TXK: variants seen among roughly 807,000 people sequenced by gnomAD.
The protein encoded by TXK is TXK tyrosine kinase.
TXK carries 60 observed loss-of-function variants against 81.0 expected under a neutral mutation model. That is an observed-to-expected ratio of 0.74 (90% CI 0.60 to 0.92). TXK has a LOEUF of 0.92. Ranked by LOEUF, TXK falls within the 40% of genes least tolerant of loss-of-function variation. TXK has a pLI of 0.00. For synonymous variants in TXK, 203 were observed against 210.7 expected (o/e 0.96, Z 0.32); for missense variants, 581 against 638.3 (o/e 0.91, Z 0.97).
Position 48,071,681 on chromosome 4 carries a change from A to C in TXK, c.1358-7T>G. ...ACTTCCCACATTAAAACTCCTGCAA[A>C]CAAAAATGCAGGAAAACAAGGGGTT... On this transcript the variant is annotated splice_region_variant and splice_polypyrimidine_tract_variant and intron_variant, in intron 13 of 14. Coordinates refer to ENST00000264316, the MANE Select transcript of TXK (RefSeq NM_003328.3). 1 of 1,613,272 alleles carries C rather than the reference A, an allele frequency of 6.2e-7. No homozygotes were observed.
At chr4:48,106,591 T>C (rs1439939604) in intron 5 of TXK, among the ~76,000 whole-genome samples, 1 of 152,150 alleles carries the variant, frequency 6.6e-6, no homozygotes, top group Non-Finnish European at 1.5e-5. Context: ...TCTGGTCTCA[T>C]GTCCCAATCT....
intron 8 of TXK, among the ~76,000 whole-genome samples, chr4:48,090,036 T>G (rs1471508382): frequency 1.3e-5 from 2 of 152,182 alleles, no homozygotes; most frequent in Admixed American, 6.5e-5. Flanking sequence ...AGTATAAAGA[T>G]GACCCTAAAA....
chr4:48,087,116 A>G (rs1717565007), intron 9 of TXK, among the ~76,000 whole-genome samples: 1 of 152,222 alleles, frequency 6.6e-6, no homozygotes, highest in Non-Finnish European at 1.5e-5. Flanking sequence ...GAAAAGTCCA[A>G]TGAAATCATC....
At chr4:48,124,523 C>A (rs1189435768) in intron 1 of TXK, among the ~76,000 whole-genome samples, 2 of 151,214 alleles carry the variant, frequency 1.3e-5, no homozygotes, top group Non-Finnish European at 2.9e-5. Flanking sequence ...TAAATAAGAC[C>A]CCACCAATAT....
At chr4:48,090,768 T>C (rs908612373) in intron 8 of TXK, among the ~76,000 whole-genome samples, 6 of 152,198 alleles carry the variant, frequency 3.9e-5, no homozygotes, top group Admixed American at 6.5e-5. Context: ...AAAAAGTAGA[T>C]AATGATGATT....
Position 48,071,956 on chromosome 4 carries a change from CT to C in TXK, c.1358-283del, listed in dbSNP as rs33963487. ...GAAAATGCCAGTAGCATTTTCTTTTCTTTTTTTTTTTTTTTGAGACAGGGTC... is the reference window on the plus strand; with the variant it reads ...GAAAATGCCAGTAGCATTTTCTTTTCTTTTTTTTTTTTTTGAGACAGGGTC... On this transcript the variant is annotated intron_variant, in intron 13 of 14. Coordinates refer to ENST00000264316, the MANE Select transcript of TXK (RefSeq NM_003328.3). Among the ~76,000 whole-genome samples the C allele has an allele frequency of 5.6e-3, 770 of 137,672 alleles. 16 individuals are homozygous for C. Among genetic ancestry groups the C allele is most frequent in the African/African-American group, 0.019 (703 of 37,146 alleles). 90.3% of individuals were successfully genotyped at this position (137,672 alleles called of 152,430 possible). A position where few individuals can be genotyped will look rare whatever the true frequency, so the allele number is the denominator to read the frequency against.
Position 48,104,897 on chromosome 4 carries a change from T to C in TXK, c.501+4A>G. ...TGAAAATGTCCACAAATACATTGAATTACCTCTTGTCTCAATAGATGTTCT... is the reference window on the plus strand; with the variant it reads ...TGAAAATGTCCACAAATACATTGAACTACCTCTTGTCTCAATAGATGTTCT... On this transcript the variant is annotated splice_donor_region_variant and intron_variant, in intron 6 of 14. Transcript: ENST00000264316. 1 of 1,589,372 alleles carries C rather than the reference T, an allele frequency of 6.3e-7. No homozygotes were observed. Among genetic ancestry groups the C allele is most frequent in the Non-Finnish European group, 8.6e-7 (1 of 1,168,514 alleles).
At chr4:48,124,237 T>C (rs1719027372) in intron 1 of TXK, among the ~76,000 whole-genome samples, 1 of 152,082 alleles carries the variant, frequency 6.6e-6, no homozygotes, top group Admixed American at 6.6e-5. Context: ...CTGGCCTTTA[T>C]GCACTAGATG....
rs760636092 is a variant in TXK at position 48,086,538 on chromosome 4, T to A, written c.884A>T (p.Gln295Leu). The A allele has an allele frequency of 5.6e-6, 9 of 1,614,040 alleles. No individual in the cohort carries two copies. The highest frequency in any genetic ancestry group is 7.6e-6 in the Non-Finnish European group (9 of 1,180,004). ...TTCATTGATGGCCTTGATAGCTACC[T>A]GGATATGTGACCGCCATTCACCTAA... Reference protein sequence around the residue: ...VHLGEWRSHIQVAIKAINEGS... With the variant: ...VHLGEWRSHILVAIKAINEGS... Residue 295 changes from glutamine to leucine, a missense_variant, in exon 10 of 15, where the codon CAG becomes CTG. Gln to Leu is a moderately radical substitution (Grantham distance 113, BLOSUM62 -2). Transcript: ENST00000264316.
intron 11 of TXK, 42 bp from the exon 12 acceptor site, chr4:48,076,508 T>C: frequency 1.3e-6 from 2 of 1,558,722 alleles, no homozygotes; most frequent in Non-Finnish European, 1.8e-6. Flanking sequence ...ATACAAGCTT[T>C]TATTTCAAGA....
At chr4:48,087,774 C>T (rs901190882) in intron 9 of TXK, among the ~76,000 whole-genome samples, 1 of 152,212 alleles carries the variant, frequency 6.6e-6, no homozygotes, top group African/African-American at 2.4e-5. Flanking sequence ...AGGATATATT[C>T]ATGGCCTTGG....
chr4:48,125,807 C>T (rs1410543103), intron 1 of TXK, among the ~76,000 whole-genome samples: 3 of 152,124 alleles, frequency 2.0e-5, no homozygotes, highest in East Asian at 1.9e-4. Flanking sequence ...CAGGGCAGGC[C>T]GGCAAGCTGA....
chr4:48,133,237 T>TA (rs1174486472), intron 1 of TXK, among the ~76,000 whole-genome samples: 18 of 151,788 alleles, frequency 1.2e-4, no homozygotes, highest in Admixed American at 9.8e-4. Context: ...TTTTTTTTTT[T>TA]ATTCTAATTT....
In TXK at chr4:48,067,721, G is replaced by C. The variant is rs767677274; in HGVS notation, c.1516-16C>G. ...CTTCAGGTTTCTGGAAAAGGGAAGT[G>C]GGGGTGGTTAGCTCAGCTTAACCAA... On this transcript the variant is annotated splice_polypyrimidine_tract_variant and intron_variant, in intron 14 of 14. Transcript: ENST00000264316. The C allele has an allele frequency of 6.2e-7, 1 of 1,612,924 alleles. No homozygotes were observed. Among genetic ancestry groups the C allele is most frequent in the South Asian group, 1.1e-5 (1 of 91,038 alleles).
rs770015426 is a variant in TXK at position 48,112,442 on chromosome 4, T to C, written c.245A>G (p.Glu82Gly). The C allele has an allele frequency of 6.2e-7, 1 of 1,614,178 alleles. No individual in the cohort carries two copies. Among genetic ancestry groups the C allele is most frequent in the Admixed American group, 1.7e-5 (1 of 60,020 alleles). ...AAGTGCCTTGACTTGGATCTTCTCTTCAGCAACCTCAGAGGGTGGGAGGGG... is the reference window on the plus strand; with the variant it reads ...AAGTGCCTTGACTTGGATCTTCTCTCCAGCAACCTCAGAGGGTGGGAGGGG... ...LPPLPPSEVA[E>G]EKIQVKALYD... Residue 82 changes from glutamate to glycine, a missense_variant, in exon 4 of 15, where the codon GAA becomes GGA. Glu to Gly is a moderately conservative substitution (Grantham distance 98). Transcript: ENST00000264316.
chr4:48,077,313 A>G (rs1254165787), intron 11 of TXK, among the ~76,000 whole-genome samples: 2 of 152,236 alleles, frequency 1.3e-5, no homozygotes, highest in Admixed American at 1.3e-4. Context: ...TTTTCAGCTA[A>G]TTTGTGGTTC....
intron 5 of TXK, among the ~76,000 whole-genome samples, chr4:48,106,861 A>C (rs1397287851): frequency 6.6e-6 from 1 of 152,236 alleles, no homozygotes; most frequent in East Asian, 1.9e-4. Flanking sequence ...TTTAAAAGGC[A>C]TAATTAATTT....
At chr4:48,070,971 T>C (rs1344874629) in intron 14 of TXK, among the ~76,000 whole-genome samples, 1 of 141,978 alleles carries the variant, frequency 7.0e-6, no homozygotes, top group Non-Finnish European at 1.5e-5. Context: ...CCATCTCGGC[T>C]CACTGCAAGC....
intron 1 of TXK, among the ~76,000 whole-genome samples, chr4:48,127,346 T>G (rs992880281): frequency 1.3e-5 from 2 of 152,222 alleles, no homozygotes; most frequent in Admixed American, 1.3e-4. Flanking sequence ...TTCATGATCA[T>G]TTTCAATTTA....
Sources: allele counts gnomAD v4.1 joint callset (sites outside exome capture counted in the v4.1 genomes callset), GRCh38; gene constraint gnomAD v4.1.1; transcripts MANE v1.5; gene names NCBI Gene and HGNC (gene_info 2026-07-23, HGNC 2026-07-21).